Variants in SYNDIG1 observed in about 807,000 individuals in gnomAD.
SYNDIG1 encodes synapse differentiation-inducing gene protein 1.
SYNDIG1 carries 9 observed loss-of-function variants against 19.4 expected under a neutral mutation model. The ratio of observed to expected loss-of-function variants is 0.46; its 90% CI spans 0.28 to 0.81. The LOEUF (loss-of-function observed/expected upper bound fraction) is 0.81. Among genes scored for constraint, SYNDIG1 ranks in the 30% least tolerant of loss-of-function variants. SYNDIG1 has a pLI of 0.12. For synonymous variants in SYNDIG1, 141 were observed against 145.9 expected (o/e 0.97, Z 0.24); for missense variants, 311 against 343.3 (o/e 0.91, Z 0.74).
At chr20:24,504,925 T>C (rs1282033077) in intron 1 of SYNDIG1, among the ~76,000 whole-genome samples, 2 of 152,108 alleles carry the variant, frequency 1.3e-5, no homozygotes, top group East Asian at 3.9e-4. Context: ...AACTAGGAAA[T>C]CGTTGAAGTG....
intron 3 of SYNDIG1, among the ~76,000 whole-genome samples, chr20:24,634,330 G>T (rs1480253570): frequency 6.6e-6 from 1 of 152,190 alleles, no homozygotes; most frequent in East Asian, 1.9e-4. Flanking sequence ...TTTCATTACA[G>T]TAATGTTTTC....
At chr20:24,579,834 G>C in intron 2 of SYNDIG1, among the ~76,000 whole-genome samples, 1 of 152,202 alleles carries the variant, frequency 6.6e-6, no homozygotes, top group East Asian at 1.9e-4. Context: ...TCCTGAAACA[G>C]GTGCCTCACA....
intron 1 of SYNDIG1, among the ~76,000 whole-genome samples, chr20:24,534,110 C>T (rs142627349): frequency 6.6e-5 from 10 of 152,272 alleles, no homozygotes; most frequent in Admixed American, 3.3e-4. Flanking sequence ...CCAGCTCTTA[C>T]GAGAGCTTAT....
At chr20:24,489,097 G>A (rs1490649815) in intron 1 of SYNDIG1, among the ~76,000 whole-genome samples, 2 of 152,168 alleles carry the variant, frequency 1.3e-5, no homozygotes, top group African/African-American at 4.8e-5. Context: ...CTTTTAGAAG[G>A]CAGTGTTCTA....
chr20:24,548,978 A>G (rs191008568), intron 2 of SYNDIG1, among the ~76,000 whole-genome samples: 1 of 152,224 alleles, frequency 6.6e-6, no homozygotes, highest in African/African-American at 2.4e-5. Flanking sequence ...TGGGGTATAT[A>G]GTGATGTTTT....
At chr20:24,585,691 C>G (rs2058406153) in intron 3 of SYNDIG1, among the ~76,000 whole-genome samples, 1 of 152,220 alleles carries the variant, frequency 6.6e-6, no homozygotes, top group Non-Finnish European at 1.5e-5. Context: ...CAGCTATATT[C>G]ACATTTTCAT....
In SYNDIG1 at chr20:24,479,806, C is replaced by A. The variant is rs149834135; in HGVS notation, c.-79+10053C>A. ...AGATCCGCCTCTGGGGCGCTCCTCTCGAAGCCCCCTACTGGCACTGGACAG... is the reference window on the plus strand; with the variant it reads ...AGATCCGCCTCTGGGGCGCTCCTCTAGAAGCCCCCTACTGGCACTGGACAG... On this transcript the variant is annotated intron_variant, in intron 1 of 3. Transcript: ENST00000376862. Among the ~76,000 whole-genome samples the A allele has an allele frequency of 1.6e-3, 240 of 152,250 alleles. 1 individual carries two copies. The highest frequency in any genetic ancestry group is 5.4e-3 in the African/African-American group (225 of 41,560).
intron 2 of SYNDIG1, among the ~76,000 whole-genome samples, chr20:24,572,205 C>G (rs2058155093): frequency 6.6e-6 from 1 of 152,208 alleles, no homozygotes; most frequent in Non-Finnish European, 1.5e-5. Context: ...GTGTGGCGAG[C>G]AGCAGGACCT....
chr20:24,644,512 A>G (rs962127357), intron 3 of SYNDIG1, among the ~76,000 whole-genome samples: 1 of 152,212 alleles, frequency 6.6e-6, no homozygotes, highest in African/African-American at 2.4e-5. Flanking sequence ...GAAGCCAGGA[A>G]TCATTGAGGC....
At chr20:24,514,836 C>T (rs942872293) in intron 1 of SYNDIG1, among the ~76,000 whole-genome samples, 6 of 152,192 alleles carry the variant, frequency 3.9e-5, no homozygotes, top group South Asian at 2.1e-4. Flanking sequence ...TTCTCAACAC[C>T]GCACCGCACT....
intron 1 of SYNDIG1, among the ~76,000 whole-genome samples, chr20:24,483,075 G>A (rs140174239): frequency 8.0e-4 from 122 of 152,358 alleles, no homozygotes; most frequent in African/African-American, 2.8e-3. Flanking sequence ...CAGAGGTCTG[G>A]ATGTAATGTT....
chr20:24,514,089 C>T (rs1158444203), intron 1 of SYNDIG1, among the ~76,000 whole-genome samples: 3 of 152,162 alleles, frequency 2.0e-5, no homozygotes, highest in Non-Finnish European at 4.4e-5. Flanking sequence ...GATTTTGTCA[C>T]CACCAGGCCT....
intron 1 of SYNDIG1, among the ~76,000 whole-genome samples, chr20:24,473,730 G>C (rs1352839249): frequency 6.6e-6 from 1 of 152,146 alleles, no homozygotes; most frequent in East Asian, 1.9e-4. Context: ...AATCTGGAAG[G>C]TCCCATTTGT....
At chr20:24,490,821 A>T (rs928574016) in intron 1 of SYNDIG1, among the ~76,000 whole-genome samples, 11 of 152,242 alleles carry the variant, frequency 7.2e-5, no homozygotes, top group African/African-American at 2.7e-4. Flanking sequence ...AGGGCAGCAC[A>T]GAGGAGGGCA....
In SYNDIG1 at chr20:24,560,296, T is replaced by A. The variant is rs552433318; in HGVS notation, c.480+16719T>A. ...ATGTTGGCCAGGCTGGACTCTCCTC[T>A]CCTTTTCAAAATCCCATAGCAAATA... On this transcript the variant is annotated intron_variant, in intron 2 of 3. Coordinates refer to ENST00000376862, the MANE Select transcript of SYNDIG1 (RefSeq NM_024893.3). 2.6e-5 allele frequency among the ~76,000 whole-genome samples: 4 copies of A among 152,014 alleles called. No individual in the cohort carries two copies. The East Asian group carries it at 7.7e-4, about 29-fold the overall frequency.
At chr20:24,577,885 G>A (rs1273863100) in intron 2 of SYNDIG1, among the ~76,000 whole-genome samples, 3 of 152,208 alleles carry the variant, frequency 2.0e-5, no homozygotes, top group African/African-American at 7.2e-5. Flanking sequence ...CAGAGGTCAG[G>A]CAGCAGGGCT....
intron 3 of SYNDIG1, among the ~76,000 whole-genome samples, chr20:24,590,586 GTGTCTTCTGGGTGAA>G: frequency 6.6e-6 from 1 of 152,290 alleles, no homozygotes; most frequent in South Asian, 2.1e-4. Context: ...GAGCTGCGGG[GTGTCTTCTGGGTGAA>G]TGACCCCTGG....
At chr20:24,623,991 G>A (rs976831461) in intron 3 of SYNDIG1, among the ~76,000 whole-genome samples, 12 of 152,020 alleles carry the variant, frequency 7.9e-5, no homozygotes, top group Non-Finnish European at 1.2e-4. Context: ...GGCTGGGTGC[G>A]GTGGCTCACA....
intron 3 of SYNDIG1, among the ~76,000 whole-genome samples, chr20:24,613,979 G>C (rs1487828944): frequency 6.6e-6 from 1 of 152,154 alleles, no homozygotes; most frequent in Non-Finnish European, 1.5e-5. Flanking sequence ...ATCGCCAGCG[G>C]GGTTGGGCAT....
Sources: allele counts gnomAD v4.1 joint callset (sites outside exome capture counted in the v4.1 genomes callset), GRCh38; gene constraint gnomAD v4.1.1; transcripts MANE v1.5; gene names NCBI Gene and HGNC (gene_info 2026-07-23, HGNC 2026-07-21).